TMPRSS6: variants seen among roughly 807,000 people sequenced by gnomAD.
TMPRSS6 encodes transmembrane protease serine 6.
In TMPRSS6, 67 loss-of-function variants were observed where a neutral mutation model predicts 101.5. That is an observed-to-expected ratio of 0.66 (90% CI 0.54 to 0.81). The LOEUF (loss-of-function observed/expected upper bound fraction) is 0.81, where lower values mean the gene tolerates loss of function less well. Ranked by LOEUF, TMPRSS6 falls within the 30% of genes least tolerant of loss-of-function variation. The probability of loss-of-function intolerance (pLI) is 0.00; values close to 1 mark genes in which losing one functional copy is unlikely to be tolerated. For synonymous variants in TMPRSS6, 453 were observed against 464.9 expected (o/e 0.97, Z 0.33); for missense variants, 1,034 against 1,088.7 (o/e 0.95, Z 0.71).
At chr22:37,084,229 A>C (rs2543519) in intron 10 of TMPRSS6, 66 bp downstream of exon 10, 2 of 1,331,534 alleles carry the variant, frequency 1.5e-6, no homozygotes, top group African/African-American at 1.5e-5. Flanking sequence ...GGGGGTCACT[A>C]TTGAGGAGGG....
chr22:37,108,371 C>A (rs1446348285), intron 1 of TMPRSS6, among the ~76,000 whole-genome samples: 1 of 152,208 alleles, frequency 6.6e-6, no homozygotes, highest in African/African-American at 2.4e-5. Context: ...CTGCCCCTCG[C>A]GATGTGCAGC....
chr22:37,067,776 G>A (rs1926445076), intron 16 of TMPRSS6, among the ~76,000 whole-genome samples: 1 of 74,378 alleles, frequency 1.3e-5, no homozygotes, highest in Admixed American at 1.1e-4. Flanking sequence ...TAAGGTGCAG[G>A]TAGGAGGGAG....
intron 12 of TMPRSS6, among the ~76,000 whole-genome samples, chr22:37,074,094 A>C (rs1040024951): frequency 6.6e-6 from 1 of 152,182 alleles, no homozygotes; most frequent in African/African-American, 2.4e-5. Flanking sequence ...CAACCCTGTG[A>C]GATACCCCAT....
chr22:37,078,446 C>G (rs1313373177), intron 10 of TMPRSS6, among the ~76,000 whole-genome samples: 1 of 152,140 alleles, frequency 6.6e-6, no homozygotes, highest in African/African-American at 2.4e-5. Context: ...TCTGTCTGGG[C>G]AGTGTTTGGT....
intron 13 of TMPRSS6, among the ~76,000 whole-genome samples, chr22:37,072,098 AGATGATGGATGGACG>A (rs1926988955): frequency 8.4e-6 from 1 of 119,034 alleles, no homozygotes; most frequent in Non-Finnish European, 1.7e-5. Flanking sequence ...GATGATGGAC[AGATGATGGATGGACG>A]GATGATGGAT....
intron 13 of TMPRSS6, among the ~76,000 whole-genome samples, chr22:37,071,616 C>T (rs1319203399): frequency 6.6e-6 from 1 of 152,244 alleles, no homozygotes; most frequent in African/African-American, 2.4e-5. Flanking sequence ...AACAGATGAG[C>T]CTTGGAAGGC....
At chr22:37,090,607 A>C (rs755084114) in intron 6 of TMPRSS6, among the ~76,000 whole-genome samples, 10 of 152,212 alleles carry the variant, frequency 6.6e-5, no homozygotes, top group Non-Finnish European at 1.5e-4. Flanking sequence ...CTCAATGCCC[A>C]CAACAGCTGT....
At chr22:37,070,293 G>A (rs929358927) in intron 15 of TMPRSS6, among the ~76,000 whole-genome samples, 191 bp downstream of exon 15, 4 of 152,172 alleles carry the variant, frequency 2.6e-5, no homozygotes, top group African/African-American at 9.7e-5. Context: ...ATGGCAGAGA[G>A]GTGGAACAAT....
rs1489198993 is a variant in TMPRSS6 at position 37,097,776 on chromosome 22, GGCAGGA to G, written c.336+634_336+639del. On this transcript the variant is annotated intron_variant, in intron 3 of 17. Transcript: ENST00000676104. ...AGCGGCCACTGTCCTGTAACGGAGG[GGCAGGA>G]GTGGGCCACCGTCCTGTAACGGAGG... 7.6e-5 allele frequency among the ~76,000 whole-genome samples: 9 copies of G among 118,444 alleles called. 1 individual carries two copies. Among genetic ancestry groups the G allele is most frequent in the African/African-American group, 3.2e-4 (9 of 27,826 alleles). The allele number at this position is 118,444 out of a possible 152,430, so 77.7% of individuals were successfully genotyped here.
At chr22:37,075,400 T>C (rs1461620688) in intron 10 of TMPRSS6, 120 bp from the exon 11 acceptor site, 47 of 1,351,026 alleles carry the variant, frequency 3.5e-5, no homozygotes, top group Non-Finnish European at 4.3e-5. Context: ...CTGTGCCTCC[T>C]CTGCCCTGAT....
At chr22:37,071,091 C>T in intron 13 of TMPRSS6, 59 bp from the exon 14 acceptor site, 1 of 1,516,858 alleles carries the variant, frequency 6.6e-7, no homozygotes, top group East Asian at 2.3e-5. Context: ...CCCAAGGAAA[C>T]CTTCCAAAGT....
At chr22:37,075,333 C>A in intron 10 of TMPRSS6, 53 bp from the exon 11 acceptor site, 1 of 1,607,938 alleles carries the variant, frequency 6.2e-7, no homozygotes. Context: ...TCCTGGGTCC[C>A]GTGCACAGAC....
rs1424628019 is a variant in TMPRSS6 at position 37,081,442 on chromosome 22, C to T, written c.1196+2853G>A. Among the ~76,000 whole-genome samples, 4 of 152,258 alleles carry T rather than the reference C, an allele frequency of 2.6e-5. No individual in the cohort carries two copies. The South Asian group carries it at 6.2e-4, about 24-fold the overall frequency. The stretch of plus-strand genomic sequence containing the variant: ...ACCTCACCAGCCTGACTTGGAATGG[C>T]GTTTGGCCAGGAATTAATAAACACA... On this transcript the variant is annotated intron_variant, in intron 10 of 17. Transcript: ENST00000676104.
At chr22:37,107,598 C>T (rs1930792450) in intron 1 of TMPRSS6, among the ~76,000 whole-genome samples, 1 of 152,112 alleles carries the variant, frequency 6.6e-6, no homozygotes, top group Admixed American at 6.5e-5. Flanking sequence ...ACAATGGCCA[C>T]TGCGTGTTGT....
chr22:37,084,649 C>T, intron 9 of TMPRSS6, 78 bp downstream of exon 9: 2 of 1,252,848 alleles, frequency 1.6e-6, no homozygotes, highest in Admixed American at 2.0e-5. Flanking sequence ...GGACACTGCC[C>T]CCTCTCATCC....
In TMPRSS6 at chr22:37,075,220, G is replaced by C; in HGVS notation, c.1257C>G (p.Ala419=). The C allele has an allele frequency of 6.2e-7, 1 of 1,613,896 alleles. No individual in the cohort carries two copies. Among genetic ancestry groups the C allele is most frequent in the Non-Finnish European group, 8.5e-7 (1 of 1,180,036 alleles). ...GGGAGGTGAAGTTGATGGTGATCCCGGCCGTGGCCACCACGGGGATCCTCT... is the reference window on the plus strand; with the variant it reads ...GGGAGGTGAAGTTGATGGTGATCCCCGCCGTGGCCACCACGGGGATCCTCT... ...YAERIPVVAT[A]GITINFTSQI... is the part of the protein sequence containing the mutation. Residue 419 remains alanine, a synonymous_variant, in exon 11 of 18, where the codon GCC becomes GCG. Coordinates refer to ENST00000676104, the MANE Select transcript of TMPRSS6 (RefSeq NM_001374504.1).
intron 10 of TMPRSS6, among the ~76,000 whole-genome samples, chr22:37,083,727 C>T (rs935464353): frequency 2.0e-5 from 3 of 152,242 alleles, no homozygotes; most frequent in South Asian, 4.1e-4. Context: ...ACTTCTTTGT[C>T]GGAAACTTAG....
chr22:37,110,468 G>A (rs777682792), upstream of TMPRSS6, among the ~76,000 whole-genome samples: 3 of 151,990 alleles, frequency 2.0e-5, no homozygotes, highest in African/African-American at 7.3e-5. Context: ...GTTCCGTAGC[G>A]CTGTGCTGTC....
chr22:37,078,973 A>AAAAGAAAG (rs71193296), intron 10 of TMPRSS6, among the ~76,000 whole-genome samples: 2,304 of 106,536 alleles, frequency 0.022, 55 homozygotes, highest in Admixed American at 0.031. Flanking sequence ...GAAAGAAAGA[A>AAAAGAAAG]AAAGAAAGAA....
Sources: allele counts gnomAD v4.1 joint callset (sites outside exome capture counted in the v4.1 genomes callset), GRCh38; gene constraint gnomAD v4.1.1; transcripts MANE v1.5; gene names NCBI Gene and HGNC (gene_info 2026-07-23, HGNC 2026-07-21).